Variants in RTCA observed in about 807,000 individuals in gnomAD.
RTCA encodes the protein RNA 3'-terminal phosphate cyclase.
Under a neutral mutation model 46.1 loss-of-function variants are expected in RTCA, and 37 were observed. The ratio of observed to expected loss-of-function variants is 0.80; its 90% CI spans 0.62 to 1.06. The LOEUF is 1.06. RTCA is among the 50% of genes least tolerant of loss of function. RTCA has a pLI of 0.00. For missense variants in RTCA, 435 were observed against 455.5 expected (o/e 0.95, Z 0.41); for synonymous variants, 164 against 158.3 (o/e 1.04, Z -0.27).
intron 8 of RTCA, among the ~76,000 whole-genome samples, chr1:100,284,397 A>AT (rs199515109): frequency 0.081 from 11,431 of 140,950 alleles, 853 homozygotes; most frequent in East Asian, 0.25. Flanking sequence ...AAATTCTTTA[A>AT]TTTTTTTTTT....
At chr1:100,270,464 G>A in intron 3 of RTCA, 93 bp from the exon 4 acceptor site, 1 of 1,466,372 alleles carries the variant, frequency 6.8e-7, no homozygotes, top group Non-Finnish European at 9.3e-7. Flanking sequence ...TGCTTTAGTT[G>A]GTAGTGATGA....
chr1:100,273,643 A>G (rs1180412146), intron 5 of RTCA, among the ~76,000 whole-genome samples, 191 bp downstream of exon 5: 1 of 152,200 alleles, frequency 6.6e-6, no homozygotes, highest in East Asian at 1.9e-4. Context: ...GCTACACATC[A>G]TGGTTATTTA....
chr1:100,286,182 G>T (rs1644645470), intron 9 of RTCA, among the ~76,000 whole-genome samples: 1 of 152,142 alleles, frequency 6.6e-6, no homozygotes, highest in African/African-American at 2.4e-5. Flanking sequence ...GCATGGCGCG[G>T]TGGCTCAAGC....
At chr1:100,268,427 T>G in intron 3 of RTCA, 132 bp downstream of exon 3, 2 of 739,982 alleles carry the variant, frequency 2.7e-6, no homozygotes, top group Non-Finnish European at 4.3e-6. Context: ...AGACAAGGTA[T>G]CCCTCTTGCC....
At chr1:100,285,354 A>T (rs1666964093) in intron 9 of RTCA, 32 bp downstream of exon 9, 1 of 1,456,646 alleles carries the variant, frequency 6.9e-7, no homozygotes, top group Non-Finnish European at 9.6e-7. Flanking sequence ...AAACCCTCTA[A>T]CCTGTTAGAT....
intron 4 of RTCA, among the ~76,000 whole-genome samples, chr1:100,272,648 C>T (rs1235280649): frequency 1.3e-5 from 2 of 152,116 alleles, no homozygotes; most frequent in African/African-American, 2.4e-5. Flanking sequence ...GGCTTAAACA[C>T]CATCTTTCTC....
chr1:100,274,814 C>T lies in RTCA; in HGVS notation c.474-10C>T, dbSNP rs967844946. On this transcript the variant is annotated splice_polypyrimidine_tract_variant and intron_variant, in intron 5 of 10. Coordinates refer to ENST00000370128, the MANE Select transcript of RTCA (RefSeq NM_003729.4). ...TCAGTTTATGTGGGCATTTGTTATACTTTTCATAGGGGATATTACCCAAAA... is the reference window on the plus strand; with the variant it reads ...TCAGTTTATGTGGGCATTTGTTATATTTTTCATAGGGGATATTACCCAAAA... The T allele has an allele frequency of 1.3e-6, 2 of 1,599,620 alleles. No homozygotes were observed. Among genetic ancestry groups the T allele is most frequent in the Middle Eastern group, 1.7e-4 (1 of 6,016 alleles).
chr1:100,289,907 T>G (rs1396246300), intron 10 of RTCA, among the ~76,000 whole-genome samples: 1 of 152,232 alleles, frequency 6.6e-6, no homozygotes, highest in East Asian at 1.9e-4. Flanking sequence ...TCTACATATT[T>G]GTAGTTTTAA....
intron 2 of RTCA, 150 bp from the exon 3 acceptor site, chr1:100,268,002 C>A: frequency 3.5e-6 from 4 of 1,147,722 alleles, no homozygotes; most frequent in Non-Finnish European, 3.7e-6. Context: ...TGCATAAAAA[C>A]CCAAAAGGAA....
chr1:100,279,211 G>T (rs1475046769), intron 8 of RTCA, among the ~76,000 whole-genome samples: 1 of 152,212 alleles, frequency 6.6e-6, no homozygotes, highest in Non-Finnish European at 1.5e-5. Flanking sequence ...GTTACCAAAT[G>T]TGCCAGGTAC....
At chr1:100,287,009 C>A in intron 9 of RTCA, 90 bp from the exon 10 acceptor site, 1 of 821,574 alleles carries the variant, frequency 1.2e-6, no homozygotes, top group Non-Finnish European at 1.8e-6. Context: ...ATTTTTATTT[C>A]TAGTAGTATT....
intron 5 of RTCA, among the ~76,000 whole-genome samples, chr1:100,274,427 A>G (rs775121857): frequency 6.6e-5 from 10 of 152,242 alleles, no homozygotes; most frequent in Non-Finnish European, 1.3e-4. Flanking sequence ...AATATAGGTA[A>G]GTCTAGCCCT....
intron 5 of RTCA, among the ~76,000 whole-genome samples, chr1:100,274,163 G>T (rs1666248074): frequency 1.3e-5 from 2 of 151,856 alleles, no homozygotes; most frequent in Admixed American, 1.3e-4. Flanking sequence ...ATTCATATTT[G>T]CACCTATGTT....
intron 4 of RTCA, 28 bp from the exon 5 acceptor site, chr1:100,273,366 A>T: frequency 6.9e-7 from 1 of 1,459,320 alleles, no homozygotes; most frequent in Non-Finnish European, 9.4e-7. Context: ...TTGCTGATTA[A>T]CCTAATGATA....
intron 7 of RTCA, among the ~76,000 whole-genome samples, chr1:100,276,457 T>A (rs981813424): frequency 3.3e-5 from 5 of 152,128 alleles, no homozygotes; most frequent in African/African-American, 9.7e-5. Context: ...GGCGGGCAGA[T>A]CACAAGGTCA....
At chr1:100,267,650 A>ATTTT in intron 2 of RTCA, 2 of 752,924 alleles carry the variant, frequency 2.7e-6, no homozygotes, top group Non-Finnish European at 3.4e-6. Flanking sequence ...TGTATGTTCT[A>ATTTT]GTTTTTTTTT....
intron 8 of RTCA, among the ~76,000 whole-genome samples, chr1:100,279,890 G>A (rs1464144790): frequency 6.6e-6 from 1 of 152,170 alleles, no homozygotes; most frequent in Admixed American, 6.5e-5. Context: ...GATTCTGAAA[G>A]GCTATAGGTT....
chr1:100,281,664 C>T (rs1393033595), intron 8 of RTCA, among the ~76,000 whole-genome samples: 1 of 151,842 alleles, frequency 6.6e-6, no homozygotes, highest in Non-Finnish European at 1.5e-5. Context: ...TAGCAAGCAC[C>T]TTCCTTCCCT....
intron 3 of RTCA, among the ~76,000 whole-genome samples, chr1:100,269,936 G>A (rs183489396): frequency 8.0e-4 from 122 of 152,196 alleles, no homozygotes; most frequent in Non-Finnish European, 1.3e-3. Flanking sequence ...AACATGCAGC[G>A]TTTGCTTTTC....
Sources: allele counts gnomAD v4.1 joint callset (sites outside exome capture counted in the v4.1 genomes callset), GRCh38; gene constraint gnomAD v4.1.1; transcripts MANE v1.5; gene names NCBI Gene and HGNC (gene_info 2026-07-23, HGNC 2026-07-21).